The following SLC14A2 variants were observed in gnomAD, a reference collection of about 807,000 sequenced individuals.
SLC14A2 encodes urea transporter 2.
SLC14A2 carries 91 observed loss-of-function variants against 104.6 expected under a neutral mutation model. The observed-to-expected ratio is 0.87, with a 90% CI of 0.73 to 1.04. The LOEUF (loss-of-function observed/expected upper bound fraction) is 1.04. Ranked by LOEUF, SLC14A2 falls within the 50% of genes least tolerant of loss-of-function variation. The probability of loss-of-function intolerance (pLI) is 0.00; values close to 1 mark genes in which losing one functional copy is unlikely to be tolerated. For missense variants in SLC14A2, 1,189 were observed against 1,156.0 expected (o/e 1.03, Z -0.41); for synonymous variants, 476 against 466.4 (o/e 1.02, Z -0.27).
intron 2 of SLC14A2, among the ~76,000 whole-genome samples, chr18:45,521,035 G>A (rs1195917762): frequency 6.6e-6 from 1 of 152,158 alleles, no homozygotes; most frequent in Admixed American, 6.5e-5. Flanking sequence ...GGCAAGAGTA[G>A]TGTCTATGAC....
intron 1 of SLC14A2, among the ~76,000 whole-genome samples, chr18:45,297,446 C>A (rs916568986): frequency 6.6e-5 from 10 of 152,192 alleles, no homozygotes; most frequent in African/African-American, 2.4e-4. Context: ...AGAACTAATG[C>A]AGATGAGAGT....
the SLC14A2 span, among the ~76,000 whole-genome samples, chr18:45,183,255 C>T: frequency 6.6e-6 from 1 of 152,100 alleles, no homozygotes; most frequent in Non-Finnish European, 1.5e-5. Context: ...TTTAGGAAAC[C>T]ATGTCAGTTC....
At chr18:45,391,173 G>A (rs2085958319) in intron 1 of SLC14A2, among the ~76,000 whole-genome samples, 1 of 152,104 alleles carries the variant, frequency 6.6e-6, no homozygotes, top group African/African-American at 2.4e-5. Flanking sequence ...AGAACATGTG[G>A]TGTTTGGTTT....
intron 1 of SLC14A2, among the ~76,000 whole-genome samples, chr18:45,615,834 TGTGAGAGA>T (rs1367266739): frequency 1.8e-3 from 260 of 145,300 alleles, no homozygotes; most frequent in African/African-American, 6.7e-3. Flanking sequence ...TGTGTGTGTG[TGTGAGAGA>T]GAGAGAGAGA....
At chr18:45,652,637 G>A (rs1275840765) in intron 10 of SLC14A2, among the ~76,000 whole-genome samples, 2 of 152,200 alleles carry the variant, frequency 1.3e-5, no homozygotes, top group South Asian at 2.1e-4. Flanking sequence ...AGGAAGCCAC[G>A]AGCATTGTGA....
At chr18:45,510,394 A>G (rs1038194855) in intron 2 of SLC14A2, among the ~76,000 whole-genome samples, 1 of 152,166 alleles carries the variant, frequency 6.6e-6, no homozygotes, top group Non-Finnish European at 1.5e-5. Context: ...ATGAGAAGGC[A>G]TATAGAACAA....
chr18:45,377,840 A>G (rs1243022084), intron 1 of SLC14A2, among the ~76,000 whole-genome samples: 3 of 152,122 alleles, frequency 2.0e-5, no homozygotes, highest in African/African-American at 7.2e-5. Context: ...TGGTCTGGTC[A>G]TCCAATCCTC....
intron 2 of SLC14A2, among the ~76,000 whole-genome samples, chr18:45,593,029 C>CA (rs1271333388): frequency 6.6e-6 from 1 of 152,146 alleles, no homozygotes; most frequent in Non-Finnish European, 1.5e-5. Flanking sequence ...ATAGAAATAA[C>CA]ATGTGAGGCC....
rs556530949 is a variant in SLC14A2, at chr18:45,332,309, C to T, written c.-125+119118C>T. ...TACTAAACATGTACAAACTTCTTTT[C>T]TTGTCGCTATTCCCTATACAACATA... On this transcript the variant is annotated intron_variant, in intron 1 of 20. Coordinates refer to the SLC14A2 transcript ENST00000586448. 5.3e-5 allele frequency among the ~76,000 whole-genome samples: 8 copies of T among 152,246 alleles called. No individual in the cohort carries two copies. In the South Asian group the frequency reaches 1.2e-3, roughly 24 times the overall value.
chr18:45,291,415 C>G (rs1040239417), intron 1 of SLC14A2, among the ~76,000 whole-genome samples: 2 of 152,130 alleles, frequency 1.3e-5, no homozygotes, highest in African/African-American at 4.8e-5. Flanking sequence ...GCCTGCAGAT[C>G]CATTACCTTT....
intron 2 of SLC14A2, among the ~76,000 whole-genome samples, chr18:45,587,723 G>A (rs1457081835): frequency 6.6e-6 from 1 of 152,158 alleles, no homozygotes; most frequent in Non-Finnish European, 1.5e-5. Context: ...GCCCAGGAAG[G>A]TGAAGTGACT....
chr18:45,332,740 C>T (rs2085302446), intron 1 of SLC14A2, among the ~76,000 whole-genome samples: 1 of 152,188 alleles, frequency 6.6e-6, no homozygotes, highest in Non-Finnish European at 1.5e-5. Flanking sequence ...CCTGCAGAGA[C>T]ATTTTTGGAA....
At chr18:45,382,779 G>T (rs182697506) in intron 1 of SLC14A2, among the ~76,000 whole-genome samples, 1 of 152,116 alleles carries the variant, frequency 6.6e-6, no homozygotes, top group South Asian at 2.1e-4. Context: ...TTTACTTCAC[G>T]TAGCTCTTTT....
intron 1 of SLC14A2, among the ~76,000 whole-genome samples, chr18:45,437,064 C>G (rs1009186557): frequency 6.6e-6 from 1 of 152,220 alleles, no homozygotes; most frequent in Non-Finnish European, 1.5e-5. Flanking sequence ...TGGCCCACCC[C>G]ACTTCCCACA....
chr18:45,203,079 A>G, the SLC14A2 span, among the ~76,000 whole-genome samples: 2 of 152,146 alleles, frequency 1.3e-5, no homozygotes, highest in African/African-American at 4.8e-5. Context: ...GTCCTCACAT[A>G]TCACTTGGCC....
rs528724198 is a variant in SLC14A2 at position 45,573,854 on chromosome 18, A to T, written c.-34-50777A>T. 7.2e-5 allele frequency among the ~76,000 whole-genome samples: 11 copies of T among 152,372 alleles called. No individual in the cohort carries two copies. In the East Asian group the frequency reaches 1.7e-3, roughly 24 times the overall value. On this transcript the variant is annotated intron_variant, in intron 2 of 20. Transcript: ENST00000586448. ...AATATATCATCTAGTTTAAGACAAA[A>T]TCTACAACTGGGAAAATTTAGACAA...
chr18:45,191,594 G>C, the SLC14A2 span, among the ~76,000 whole-genome samples: 1 of 152,158 alleles, frequency 6.6e-6, no homozygotes, highest in Admixed American at 6.5e-5. Flanking sequence ...GCTGTTTCTT[G>C]GGGACTTCAG....
chr18:45,184,812 A>C, the SLC14A2 span, among the ~76,000 whole-genome samples: 1 of 152,236 alleles, frequency 6.6e-6, no homozygotes, highest in Non-Finnish European at 1.5e-5. Flanking sequence ...AGCAGGTTTC[A>C]AAGCATTGAC....
At chr18:45,575,802 T>C (rs199892135) in intron 2 of SLC14A2, among the ~76,000 whole-genome samples, 1 of 152,072 alleles carries the variant, frequency 6.6e-6, no homozygotes, top group African/African-American at 2.4e-5. Context: ...TTTTTTTTTT[T>C]TCTTCCCACT....
Sources: gnomAD v4.1 joint callset for allele counts (sites outside exome capture counted in the v4.1 genomes callset) on GRCh38, gnomAD v4.1.1 for gene constraint, MANE v1.5 for transcripts, NCBI Gene and HGNC (gene_info 2026-07-23, HGNC 2026-07-21) for gene names.